GALNTL6: variants seen among roughly 807,000 people sequenced by gnomAD.
GALNTL6 encodes polypeptide N-acetylgalactosaminyltransferase like 6, also known as polypeptide N-acetylgalactosaminyltransferase-like 6.
Under a neutral mutation model 73.7 loss-of-function variants are expected in GALNTL6, and 46 were observed. That is an observed-to-expected ratio of 0.62 (90% CI 0.49 to 0.80). GALNTL6 has a LOEUF of 0.80. GALNTL6 is among the 30% of genes least tolerant of loss of function. GALNTL6 has a pLI of 0.00. For missense variants in GALNTL6, 604 were observed against 755.0 expected, an observed-to-expected ratio of 0.80 and a Z score of 2.34; for synonymous variants, 259 against 263.7, an observed-to-expected ratio of 0.98 and a Z score of 0.17.
chr4:172,858,771 G>A (rs1744242638), intron 7 of GALNTL6, among the ~76,000 whole-genome samples: 1 of 151,890 alleles, frequency 6.6e-6, no homozygotes, highest in South Asian at 2.1e-4. Flanking sequence ...CTAACGAGCT[G>A]ACCCAAAAAA....
chr4:172,568,311 A>C (rs1406337027), intron 5 of GALNTL6, among the ~76,000 whole-genome samples: 2 of 152,270 alleles, frequency 1.3e-5, no homozygotes, highest in African/African-American at 4.8e-5. Context: ...ATTTGTCTGC[A>C]TCAAGCCCAG....
At chr4:172,011,691 T>G (rs1021827831) in intron 2 of GALNTL6, among the ~76,000 whole-genome samples, 5 of 152,068 alleles carry the variant, frequency 3.3e-5, no homozygotes, top group African/African-American at 1.2e-4. Flanking sequence ...TATAACATAT[T>G]GTATCTTATA....
Position 171,988,702 on chromosome 4 carries a change from T to G in GALNTL6, c.138+173984T>G, listed in dbSNP as rs375887313. ...GAATGGTAAGGAGAGTGTATAGGCT[T>G]TAAAAGGCCATGCTGTAACAGGTGA... is the stretch of plus-strand genomic sequence containing the variant. On this transcript the variant is annotated intron_variant, in intron 2 of 12. Coordinates refer to ENST00000506823, the MANE Select transcript of GALNTL6 (RefSeq NM_001034845.3). Among the ~76,000 whole-genome samples, 12 of 152,238 alleles carry G rather than the reference T, an allele frequency of 7.9e-5. No homozygotes were observed. In the East Asian group the frequency reaches 1.4e-3, roughly 17 times the overall value.
intron 2 of GALNTL6, among the ~76,000 whole-genome samples, chr4:171,817,525 A>T (rs1308400924): frequency 6.6e-6 from 1 of 151,832 alleles, no homozygotes; most frequent in African/African-American, 2.4e-5. Context: ...GGAAACACTG[A>T]TGGGAACCAT....
At chr4:172,664,571 A>G (rs1277890591) in intron 5 of GALNTL6, among the ~76,000 whole-genome samples, 5 of 152,194 alleles carry the variant, frequency 3.3e-5, no homozygotes, top group Admixed American at 3.3e-4. Context: ...TTTAGGCACC[A>G]CGCCTTTACT....
intron 5 of GALNTL6, among the ~76,000 whole-genome samples, chr4:172,717,951 T>C (rs1735211298): frequency 6.6e-6 from 1 of 152,206 alleles, no homozygotes; most frequent in African/African-American, 2.4e-5. Flanking sequence ...TAATGATTGA[T>C]TTACCAGTTC....
At chr4:172,527,114 A>G (rs1734986435) in intron 5 of GALNTL6, among the ~76,000 whole-genome samples, 1 of 152,202 alleles carries the variant, frequency 6.6e-6, no homozygotes, top group Non-Finnish European at 1.5e-5. Context: ...CTAGCATTGT[A>G]AGAACAACAT....
intron 4 of GALNTL6, among the ~76,000 whole-genome samples, chr4:172,324,403 G>T (rs933079078): frequency 1.8e-4 from 28 of 151,576 alleles, no homozygotes; most frequent in Non-Finnish European, 2.5e-4. Flanking sequence ...AATTTTGAGG[G>T]CTCTAAGAGT....
intron 5 of GALNTL6, among the ~76,000 whole-genome samples, chr4:172,689,329 A>G (rs1733123469): frequency 6.6e-6 from 1 of 152,222 alleles, no homozygotes; most frequent in South Asian, 2.1e-4. Context: ...TCTGTTTCCA[A>G]GCAAACTTGG....
intron 5 of GALNTL6, among the ~76,000 whole-genome samples, chr4:172,364,310 A>G (rs1404387679): frequency 1.3e-5 from 2 of 152,004 alleles, no homozygotes; most frequent in East Asian, 1.9e-4. Context: ...AGTCCTAGTT[A>G]CTCTGGAGGC....
chr4:171,914,672 T>A (rs891108875), intron 2 of GALNTL6, among the ~76,000 whole-genome samples: 7 of 151,366 alleles, frequency 4.6e-5, no homozygotes, highest in African/African-American at 1.7e-4. Flanking sequence ...CGTCTTGTCC[T>A]CCCAAATTGC....
At chr4:172,801,975 G>T (rs533305208) in intron 5 of GALNTL6, among the ~76,000 whole-genome samples, 1 of 151,996 alleles carries the variant, frequency 6.6e-6, no homozygotes, top group South Asian at 2.1e-4. Flanking sequence ...CCACTGAATT[G>T]GTTGCCATGT....
intron 2 of GALNTL6, among the ~76,000 whole-genome samples, chr4:172,042,763 G>A (rs1265433363): frequency 7.1e-6 from 1 of 141,574 alleles, no homozygotes; most frequent in African/African-American, 2.6e-5. Flanking sequence ...TGACTATTCT[G>A]ATAGCCAACT....
intron 5 of GALNTL6, among the ~76,000 whole-genome samples, chr4:172,656,664 A>G (rs1731035686): frequency 6.6e-6 from 1 of 152,222 alleles, no homozygotes; most frequent in African/African-American, 2.4e-5. Flanking sequence ...GGGCCACTAA[A>G]GTGACCAATT....
In GALNTL6 at chr4:173,041,090, T is replaced by TA. The variant is rs1256950505; in HGVS notation, c.*991dup. On this transcript the variant is annotated 3_prime_UTR_variant, in exon 13 of 13. Coordinates refer to ENST00000506823, the MANE Select transcript of GALNTL6 (RefSeq NM_001034845.3). ...CCAAATAAATCTACACTCCAAGTGA[T>TA]ATGTGAAAATGGCTTAGTTCACTTC... The TA allele has an allele frequency of 3.3e-5, 5 of 152,216 alleles. No individual in the cohort carries two copies. Among genetic ancestry groups the TA allele is most frequent in the Non-Finnish European group, 5.9e-5 (4 of 68,048 alleles). The allele number at this position is 152,216 out of a possible 1,614,324, so 9.4% of individuals were successfully genotyped here.
chr4:172,115,269 G>C (rs1438459410), intron 2 of GALNTL6, among the ~76,000 whole-genome samples: 2 of 152,100 alleles, frequency 1.3e-5, no homozygotes, highest in African/African-American at 4.8e-5. Context: ...GATGACAGCT[G>C]TTAATAAGAT....
chr4:172,931,132 T>G (rs765037671), intron 8 of GALNTL6, 29 bp from the exon 9 acceptor site: 11 of 1,170,190 alleles, frequency 9.4e-6, no homozygotes, highest in Non-Finnish European at 1.4e-5. Context: ...AATTCACTGT[T>G]GTCTTTTGTT....
chr4:172,749,415 G>T (rs768079647), intron 5 of GALNTL6, among the ~76,000 whole-genome samples: 1 of 151,814 alleles, frequency 6.6e-6, no homozygotes, highest in Non-Finnish European at 1.5e-5. Context: ...TCTCAATACC[G>T]TTTGTTTTCA....
At chr4:172,576,745 C>T (rs1736970341) in intron 5 of GALNTL6, among the ~76,000 whole-genome samples, 1 of 152,106 alleles carries the variant, frequency 6.6e-6, no homozygotes, top group Non-Finnish European at 1.5e-5. Context: ...ACTATAACTA[C>T]TATCACTAAG....
Sources: allele counts gnomAD v4.1 joint callset (sites outside exome capture counted in the v4.1 genomes callset), GRCh38; gene constraint gnomAD v4.1.1; transcripts MANE v1.5; gene names NCBI Gene and HGNC (gene_info 2026-07-23, HGNC 2026-07-21).